The following CSGALNACT1 variants were observed in gnomAD, a reference collection of about 807,000 sequenced individuals.
CSGALNACT1 encodes beta4GalNAcT-1.
Under a neutral mutation model 51.0 loss-of-function variants are expected in CSGALNACT1, and 52 were observed. The observed-to-expected ratio is 1.02, with a 90% CI of 0.82 to 1.29. The LOEUF is 1.29. Ranked by LOEUF, CSGALNACT1 falls within the 50% of genes most tolerant of loss-of-function variation. CSGALNACT1 has a pLI of 0.00. For missense variants in CSGALNACT1, 935 were observed against 679.2 expected (o/e 1.38, Z -4.19); for synonymous variants, 341 against 254.4 (o/e 1.34, Z -3.24).
chr8:19,520,759 C>G (rs1490587193), intron 3 of CSGALNACT1, among the ~76,000 whole-genome samples: 1 of 152,196 alleles, frequency 6.6e-6, no homozygotes, highest in East Asian at 1.9e-4. Context: ...CCCATGCTAT[C>G]TCCATCTTCC....
At chr8:19,630,331 A>G (rs1476135269) in intron 1 of CSGALNACT1, among the ~76,000 whole-genome samples, 2 of 151,962 alleles carry the variant, frequency 1.3e-5, no homozygotes, top group Non-Finnish European at 2.9e-5. Context: ...AAATTAATAG[A>G]GTTTAATTTT....
intron 3 of CSGALNACT1, among the ~76,000 whole-genome samples, chr8:19,551,481 C>T (rs1475092067): frequency 2.0e-5 from 3 of 152,188 alleles, no homozygotes; most frequent in Non-Finnish European, 2.9e-5. Flanking sequence ...TAGGGTGAGA[C>T]AGATTAGAGC....
intron 3 of CSGALNACT1, among the ~76,000 whole-genome samples, chr8:19,513,206 A>G (rs1182366218): frequency 6.6e-6 from 1 of 152,014 alleles, no homozygotes; most frequent in African/African-American, 2.4e-5. Flanking sequence ...TGCACTAGAC[A>G]CTGAATATTA....
intron 4 of CSGALNACT1, among the ~76,000 whole-genome samples, chr8:19,481,381 T>G (rs1015869596): frequency 6.6e-6 from 1 of 152,128 alleles, no homozygotes; most frequent in Non-Finnish European, 1.5e-5. Context: ...TACATCTTAT[T>G]CAAAAATCTT....
intron 3 of CSGALNACT1, among the ~76,000 whole-genome samples, chr8:19,546,101 A>T (rs906545107): frequency 6.6e-6 from 1 of 152,078 alleles, no homozygotes; most frequent in South Asian, 2.1e-4. Context: ...ATAAGGAAAC[A>T]AGACTCAATA....
In CSGALNACT1 at chr8:19,505,861, C is replaced by T. The variant is rs767419140; in HGVS notation, c.-27G>A. The T allele has an allele frequency of 2.0e-5, 32 of 1,604,690 alleles. 1 individual carries two copies. The South Asian group carries it at 2.7e-4, about 14-fold the overall frequency. ...CAGGAATCAGCCATGCGTCCAGAAC[C>T]GGTGGCATCCCTCAAAGCCGGGGCC... On this transcript the variant is annotated 5_prime_UTR_variant, in exon 4 of 10. Transcript: ENST00000454498.
At chr8:19,479,747 G>C (rs919496119) in intron 4 of CSGALNACT1, among the ~76,000 whole-genome samples, 15 of 145,710 alleles carry the variant, frequency 1.0e-4, no homozygotes, top group Non-Finnish European at 4.5e-5. Flanking sequence ...AGGAAAAGCC[G>C]TATTTCTTGA....
rs139001229 is a variant in CSGALNACT1 at position 19,432,509 on chromosome 8, T to C, written c.953+7321A>G. The stretch of plus-strand genomic sequence containing the variant: ...AATTTTTAGCCATTATTTCTTCAAA[T>C]ATTTTTAGGTGCCCTTCTCTATCCC... On this transcript the variant is annotated intron_variant, in intron 6 of 9. Transcript: ENST00000454498. 2.0e-5 allele frequency among the ~76,000 whole-genome samples: 3 copies of C among 152,328 alleles called. No homozygotes were observed. In the East Asian group the frequency reaches 5.8e-4, roughly 29 times the overall value.
rs577385153 is a variant in CSGALNACT1 at position 19,703,634 on chromosome 8, C to G, written c.-297+54216G>C. ...CTCTTTGTTTTTAGTGCTCCTCAGA[C>G]CTTCAGGTAACTGGAGAGTTGGTTA... On this transcript the variant is annotated intron_variant, in intron 1 of 1. Transcript: ENST00000517494. 3.9e-5 allele frequency among the ~76,000 whole-genome samples: 6 copies of G among 152,262 alleles called. No homozygotes were observed. The South Asian group carries it at 1.2e-3, about 32-fold the overall frequency.
At chr8:19,553,583 A>T (rs1440113312) in intron 3 of CSGALNACT1, among the ~76,000 whole-genome samples, 2 of 142,116 alleles carry the variant, frequency 1.4e-5, no homozygotes, top group Non-Finnish European at 3.0e-5. Flanking sequence ...AGCTCAAACC[A>T]TATATATATA....
intron 1 of CSGALNACT1, among the ~76,000 whole-genome samples, chr8:19,608,839 T>C (rs2051774251): frequency 6.6e-6 from 1 of 152,178 alleles, no homozygotes; most frequent in Non-Finnish European, 1.5e-5. Context: ...AGAACAGGCA[T>C]TTTGAATGGT....
At chr8:19,497,367 G>C (rs1005335735) in intron 4 of CSGALNACT1, among the ~76,000 whole-genome samples, 4 of 152,082 alleles carry the variant, frequency 2.6e-5, no homozygotes, top group Non-Finnish European at 1.5e-5. Context: ...CCAAACACAA[G>C]GTATCTCAAA....
intron 3 of CSGALNACT1, among the ~76,000 whole-genome samples, chr8:19,589,691 A>C (rs2047394800): frequency 6.6e-6 from 1 of 152,174 alleles, no homozygotes; most frequent in African/African-American, 2.4e-5. Context: ...CTTATCAACT[A>C]GATCTCATTT....
Position 19,616,837 on chromosome 8 carries a change from C to T in CSGALNACT1, c.-543-14972G>A, listed in dbSNP as rs113452038. ...TCAGCAGAACTGTGAGCCAATTAAG[C>T]CAGCGGTCCCCAACCTTTTTGGCAC... On this transcript the variant is annotated intron_variant, in intron 1 of 9. Transcript: ENST00000332246. 8.7e-3 allele frequency among the ~76,000 whole-genome samples: 1,325 copies of T among 152,270 alleles called. 17 individuals carry two copies. Among genetic ancestry groups the T allele is most frequent in the African/African-American group, 0.031 (1,268 of 41,538 alleles).
chr8:19,659,159 A>C (rs372499703), intron 1 of CSGALNACT1, among the ~76,000 whole-genome samples: 1 of 152,180 alleles, frequency 6.6e-6, no homozygotes, highest in Non-Finnish European at 1.5e-5. Flanking sequence ...AGAGGGATAC[A>C]TGTATTTTGG....
At position 19,513,497 on chromosome 8, in the gene CSGALNACT1, G is replaced by A. The variant is rs1411457660; in HGVS notation, c.-296-7367C>T. Among the ~76,000 whole-genome samples, 8 of 144,176 alleles carry A rather than the reference G, an allele frequency of 5.5e-5. No homozygotes were observed. In the Admixed American group the frequency reaches 5.8e-4, roughly 10 times the overall value. The allele number at this position is 144,176 out of a possible 152,430, so 94.6% of individuals were successfully genotyped here. On this transcript the variant is annotated intron_variant, in intron 3 of 9. Transcript: ENST00000454498. Reference sequence around the variant, plus strand: ...ATCTGCCTGCTGTTAAAGAAAATGAGTATATACAACCAACACCTACAACTG... The same window carrying A: ...ATCTGCCTGCTGTTAAAGAAAATGAATATATACAACCAACACCTACAACTG...
At chr8:19,502,434 T>C (rs1476599011) in intron 4 of CSGALNACT1, among the ~76,000 whole-genome samples, 1 of 152,214 alleles carries the variant, frequency 6.6e-6, no homozygotes, top group Admixed American at 6.5e-5. Context: ...TCTCTCACAA[T>C]TAGCCTGAAG....
chr8:19,465,644 A>T (rs574025827), intron 4 of CSGALNACT1, among the ~76,000 whole-genome samples: 83 of 152,314 alleles, frequency 5.4e-4, no homozygotes, highest in African/African-American at 1.9e-3. Context: ...GGACATTCTC[A>T]ATGCAAAGCC....
In CSGALNACT1 at chr8:19,463,811, T is replaced by A. The variant is rs138145978; in HGVS notation, c.635-5169A>T. Among the ~76,000 whole-genome samples, 1,379 of 152,314 alleles carry A rather than the reference T, an allele frequency of 9.1e-3. 20 individuals carry two copies. The highest frequency in any genetic ancestry group is 0.031 in the African/African-American group (1,304 of 41,558). ...ATTACTCCTTGTGCAAGTATCCCAA[T>A]GCCGGTCTTTTCCTACTCAATGGGC... On this transcript the variant is annotated intron_variant, in intron 4 of 9. Coordinates refer to ENST00000454498, the Ensembl canonical transcript of CSGALNACT1.
Sources: allele counts gnomAD v4.1 joint callset (sites outside exome capture counted in the v4.1 genomes callset), GRCh38; gene constraint gnomAD v4.1.1; transcripts MANE v1.5; gene names NCBI Gene and HGNC (gene_info 2026-07-23, HGNC 2026-07-21).